Variants in NIN observed in about 807,000 individuals in gnomAD.
NIN encodes glycogen synthase kinase 3 beta-interacting protein.
Under a neutral mutation model 257.6 loss-of-function variants are expected in NIN, and 137 were observed. The ratio of observed to expected loss-of-function variants is 0.53; its 90% CI spans 0.46 to 0.61. NIN has a LOEUF of 0.61. NIN is among the 20% of genes least tolerant of loss of function. NIN has a pLI of 0.00. For synonymous variants in NIN, 918 were observed against 919.8 expected, an observed-to-expected ratio of 1.00 and a Z score of 0.04; for missense variants, 2,439 against 2,501.2, an observed-to-expected ratio of 0.98 and a Z score of 0.53.
intron 28 of NIN, among the ~76,000 whole-genome samples, chr14:50,734,372 G>A (rs796312510): frequency 6.6e-6 from 1 of 152,022 alleles, no homozygotes; most frequent in African/African-American, 2.4e-5. Flanking sequence ...GATTACAGGG[G>A]TAAGCCACTG....
chr14:50,735,653 A>C lies in NIN; in HGVS notation c.5776-36T>G, dbSNP rs773680223. The C allele has an allele frequency of 5.7e-6, 9 of 1,583,266 alleles. No individual in the cohort carries two copies. In the East Asian group the frequency reaches 1.8e-4, roughly 32 times the overall value. ...AAAACAAAATATTCCCTTGAAACAGAAACAAAAACACTTGAGTTGTTCTAC... is the reference window on the plus strand; with the variant it reads ...AAAACAAAATATTCCCTTGAAACAGCAACAAAAACACTTGAGTTGTTCTAC... On this transcript the variant is annotated intron_variant, in intron 27 of 30. Coordinates refer to ENST00000530997, the MANE Select transcript of NIN (RefSeq NM_020921.4).
chr14:50,755,665 TTTTTTTTTTTTTTA>T (rs1304359286), intron 18 of NIN, among the ~76,000 whole-genome samples: 6 of 53,482 alleles, frequency 1.1e-4, no homozygotes, highest in Admixed American at 5.5e-4. Flanking sequence ...TTTTTTTTTT[TTTTTTTTTTTTTTA>T]AAAGAGACAG....
rs140892829 is a variant in NIN at position 50,729,642 on chromosome 14, G to A, written c.5959C>T (p.Pro1987Ser). The change falls in exon 29 of 31, where the codon CCG becomes TCG. Residue 1987 changes from proline to serine, a missense_variant. Transcript: ENST00000530997. ...DLQLLQQQACPMVPREQFLQL... is the reference protein window; with the variant it reads ...DLQLLQQQACSMVPREQFLQL... The stretch of plus-strand genomic sequence containing the variant: ...AGAAACTGCTCCCTGGGCACCATCG[G>A]ACAGGCTTGCTGCTGGAGCAGCTGC... 19 of 1,614,020 alleles carry A rather than the reference G, an allele frequency of 1.2e-5. No homozygotes were observed. In the African/African-American group the frequency reaches 1.7e-4, roughly 15 times the overall value.
At chr14:50,830,194 G>A (rs1477486164) in intron 2 of NIN, among the ~76,000 whole-genome samples, 2 of 152,202 alleles carry the variant, frequency 1.3e-5, no homozygotes, top group African/African-American at 4.8e-5. Context: ...GCTCCCTCGG[G>A]GACTCAAGCC....
chr14:50,813,575 C>CT lies in NIN; in HGVS notation c.184-6758dup, dbSNP rs544463594. 2.0e-3 allele frequency among the ~76,000 whole-genome samples: 297 copies of CT among 152,082 alleles called. 1 individual carries two copies. The highest frequency in any genetic ancestry group is 3.8e-3 in the Non-Finnish European group (257 of 67,980). On this transcript the variant is annotated intron_variant, in intron 3 of 30. Transcript: ENST00000530997. The stretch of plus-strand genomic sequence containing the variant: ...AATGCTTTTTTAGAAACGCAATTTG[C>CT]TTTTTTTTGAAAAAGAACTTAAGCA...
intron 3 of NIN, among the ~76,000 whole-genome samples, chr14:50,821,646 T>C (rs1006006689): frequency 6.6e-6 from 1 of 152,222 alleles, no homozygotes; most frequent in African/African-American, 2.4e-5. Flanking sequence ...ATTGCCTCTT[T>C]ATCTAAGATG....
At chr14:50,794,162 AC>A (rs1479328455) in intron 4 of NIN, among the ~76,000 whole-genome samples, 2 of 151,488 alleles carry the variant, frequency 1.3e-5, no homozygotes, top group Non-Finnish European at 2.9e-5. Flanking sequence ...AGGACTGGCG[AC>A]CCTCTTTGAC....
At position 50,757,310 on chromosome 14, in the gene NIN, T is replaced by G; in HGVS notation, c.3720A>C (p.Arg1240Ser). 1.2e-6 allele frequency: 2 copies of G among 1,613,986 alleles called. No individual in the cohort carries two copies. Among genetic ancestry groups the G allele is most frequent in the South Asian group, 2.2e-5 (2 of 91,036 alleles). The change falls in exon 18 of 31, where the codon AGA becomes AGC. Residue 1240 changes from arginine (R) to serine (S), a missense_variant. Arg to Ser is a moderately radical substitution (Grantham distance 110, BLOSUM62 -1). Coordinates refer to ENST00000530997, the MANE Select transcript of NIN (RefSeq NM_020921.4). ...VLKKKLKMLE[R>S]IPEASPKYKL... is the part of the protein sequence containing the mutation. ...TATATTTGGGAGAAGCCTCAGGGAT[T>G]CTCTCAAGCATCTTCAGTTTCTTTT... is the stretch of plus-strand genomic sequence containing the variant.
At chr14:50,778,666 T>C (rs1000146616) in intron 6 of NIN, 99 bp downstream of exon 6, 2 of 1,009,410 alleles carry the variant, frequency 2.0e-6, no homozygotes, top group Non-Finnish European at 3.1e-6. Context: ...TTAATGTTAA[T>C]TCCCCTGGCC....
At chr14:50,787,013 C>T (rs563857140) in intron 5 of NIN, among the ~76,000 whole-genome samples, 1 of 152,306 alleles carries the variant, frequency 6.6e-6, no homozygotes, top group African/African-American at 2.4e-5. Flanking sequence ...TCCTCCTACC[C>T]TCATAGTCCC....
chr14:50,786,041 C>A (rs1362559891), intron 5 of NIN, among the ~76,000 whole-genome samples: 3 of 152,196 alleles, frequency 2.0e-5, no homozygotes, highest in Non-Finnish European at 2.9e-5. Flanking sequence ...TTTAAACGCA[C>A]ACACATTTAG....
Position 50,756,777 on chromosome 14 carries a change from G to T in NIN, c.4253C>A (p.Thr1418Lys). Residue 1418 changes from threonine to lysine, a missense_variant, in exon 18 of 31, where the codon ACA becomes AAA. By Grantham distance (78) the Thr-to-Lys change is moderately conservative (BLOSUM62 -1). Transcript: ENST00000530997. Reference protein sequence around the residue: ...EIAWLHGTIQTHQERPRVQNQ... With the variant: ...EIAWLHGTIQKHQERPRVQNQ... ...CTGTACTCTTGGCCTTTCTTGATGT[G>T]TCTGAATTGTTCCATGTAACCAGGC... The T allele has an allele frequency of 1.3e-6, 2 of 1,551,556 alleles. No individual in the cohort carries two copies. The highest frequency in any genetic ancestry group is 1.2e-5 in the South Asian group (1 of 84,066).
chr14:50,726,082 GTATAT>G lies in NIN; in HGVS notation c.6079-21_6079-17del. 1 of 1,589,982 alleles carries G rather than the reference GTATAT, an allele frequency of 6.3e-7. No homozygotes were observed. The highest frequency in any genetic ancestry group is 8.6e-7 in the Non-Finnish European group (1 of 1,160,392). Reference sequence around the variant, plus strand: ...CCTGGTTTCCCTGAAGGGAAGAAAAGTATATTATTCGAAAATCATGTCACACTGAA... The same window carrying G: ...CCTGGTTTCCCTGAAGGGAAGAAAAGTATTCGAAAATCATGTCACACTGAA... On this transcript the variant is annotated splice_polypyrimidine_tract_variant and intron_variant, in intron 29 of 30. Coordinates refer to ENST00000530997, the MANE Select transcript of NIN (RefSeq NM_020921.4).
At chr14:50,738,085 A>G (rs2041086905) in intron 27 of NIN, 55 bp downstream of exon 27, 3 of 1,565,412 alleles carry the variant, frequency 1.9e-6, no homozygotes, top group Non-Finnish European at 2.6e-6. Context: ...AAACACACTT[A>G]AGAACGCATT....
At chr14:50,785,161 G>T (rs2043292040) in intron 5 of NIN, among the ~76,000 whole-genome samples, 1 of 152,248 alleles carries the variant, frequency 6.6e-6, no homozygotes, top group Non-Finnish European at 1.5e-5. Flanking sequence ...AGGCGGCACC[G>T]ATTTCTGGAA....
intron 7 of NIN, among the ~76,000 whole-genome samples, chr14:50,776,096 G>A (rs937455357): frequency 2.0e-5 from 3 of 152,080 alleles, no homozygotes; most frequent in East Asian, 1.9e-4. Flanking sequence ...CAGAAAGCAT[G>A]GTTTCAAATA....
At chr14:50,784,103 A>T (rs2065080) in intron 5 of NIN, among the ~76,000 whole-genome samples, 127,132 of 152,190 alleles carry the variant, frequency 0.84, 56,198 homozygotes, top group East Asian at 1. Context: ...GGGACTTCAG[A>T]TTCTCCCTAC....
intron 24 of NIN, 45 bp downstream of exon 24, chr14:50,743,371 A>C: frequency 8.4e-7 from 1 of 1,188,942 alleles, no homozygotes; most frequent in Non-Finnish European, 1.3e-6. Flanking sequence ...TGGAAGATCT[A>C]GGAGAATACT....
intron 21 of NIN, among the ~76,000 whole-genome samples, chr14:50,749,387 G>C (rs1305021908): frequency 6.6e-6 from 1 of 152,130 alleles, no homozygotes; most frequent in Non-Finnish European, 1.5e-5. Context: ...ATACCATTCA[G>C]GACACAGGCA....
Sources: gnomAD v4.1 joint callset for allele counts (sites outside exome capture counted in the v4.1 genomes callset) on GRCh38, gnomAD v4.1.1 for gene constraint, MANE v1.5 for transcripts, NCBI Gene and HGNC (gene_info 2026-07-23, HGNC 2026-07-21) for gene names.